The following TBC1D16 variants were observed in gnomAD, a reference collection of about 807,000 sequenced individuals.
TBC1D16 encodes CTD-2529O21.1.
Under a neutral mutation model 74.7 loss-of-function variants are expected in TBC1D16, and 58 were observed. That is an observed-to-expected ratio of 0.78 (90% CI 0.63 to 0.97). The LOEUF is 0.97. TBC1D16 is among the 50% of genes least tolerant of loss of function. TBC1D16 has a pLI of 0.00. For missense variants in TBC1D16, 1,014 were observed against 1,079.5 expected, an observed-to-expected ratio of 0.94 and a Z score of 0.85; for synonymous variants, 493 against 474.7, an observed-to-expected ratio of 1.04 and a Z score of -0.50.
intron 1 of TBC1D16, among the ~76,000 whole-genome samples, chr17:80,016,096 A>G (rs921410437): frequency 2.6e-5 from 4 of 152,194 alleles, no homozygotes; most frequent in African/African-American, 7.2e-5. Flanking sequence ...CCTTGAAAAG[A>G]AAGTCTGACG....
chr17:79,999,076 C>T (rs972853642), intron 3 of TBC1D16, among the ~76,000 whole-genome samples: 5 of 151,890 alleles, frequency 3.3e-5, no homozygotes, highest in East Asian at 1.9e-4. Flanking sequence ...GCCAACACGG[C>T]GAAACCCCAT....
At chr17:79,997,542 T>C (rs2035320578) in intron 3 of TBC1D16, among the ~76,000 whole-genome samples, 1 of 152,172 alleles carries the variant, frequency 6.6e-6, no homozygotes, top group Non-Finnish European at 1.5e-5. Flanking sequence ...GTACAGCCCA[T>C]GAACGAAGAC....
chr17:80,011,200 C>T (rs907686611), intron 2 of TBC1D16, among the ~76,000 whole-genome samples: 1 of 150,182 alleles, frequency 6.7e-6, no homozygotes, highest in African/African-American at 2.4e-5. Context: ...ACCACCACAC[C>T]CAGCTAATTT....
At chr17:80,019,685 T>C (rs1031606835) in intron 1 of TBC1D16, among the ~76,000 whole-genome samples, 1 of 149,820 alleles carries the variant, frequency 6.7e-6, no homozygotes, top group Admixed American at 6.6e-5. Context: ...TTTTTAGTTA[T>C]GAAACACACT....
In TBC1D16 at chr17:79,936,421, A is replaced by C. The variant is rs1450538671; in HGVS notation, c.*4438T>G. On this transcript the variant is annotated 3_prime_UTR_variant, in exon 12 of 12. Coordinates refer to ENST00000310924, the MANE Select transcript of TBC1D16 (RefSeq NM_019020.4). ...CAGGTGTGGTCCCTGGGACTTCATA[A>C]ACCATCCTCATGACAGTTTTACACT... 6.6e-6 allele frequency: 1 copy of C among 152,170 alleles called. No individual in the cohort carries two copies. Among genetic ancestry groups the C allele is most frequent in the Non-Finnish European group, 1.5e-5 (1 of 68,044 alleles). 9.4% of individuals were successfully genotyped at this position (152,170 alleles called of 1,614,324 possible). A position where few individuals can be genotyped will look rare whatever the true frequency, so the allele number is the denominator to read the frequency against.
intron 3 of TBC1D16, among the ~76,000 whole-genome samples, chr17:79,991,773 T>C (rs1330977205): frequency 1.3e-5 from 2 of 150,996 alleles, no homozygotes; most frequent in Non-Finnish European, 3.0e-5. Context: ...CCTGGGCTGA[T>C]CTAGGGGAAG....
intron 10 of TBC1D16, among the ~76,000 whole-genome samples, chr17:79,942,466 GC>G (rs2032109266): frequency 7.1e-6 from 1 of 140,722 alleles, no homozygotes. Context: ...GCTGAGCTCA[GC>G]CCCCACGGGC....
chr17:79,949,749 C>T lies in TBC1D16; in HGVS notation c.1374G>A (p.Lys458=). The T allele has an allele frequency of 6.2e-7, 1 of 1,613,192 alleles. No individual in the cohort carries two copies. The highest frequency in any genetic ancestry group is 8.5e-7 in the Non-Finnish European group (1 of 1,179,834). ...GCTGGATCTCAGAGTACTCCTTTCG[C>T]TTCTGCAGCCGCAGCGCCTCCCGCT... is the stretch of plus-strand genomic sequence containing the variant. ...SEEREALRLQ[K]RKEYSEIQQK... is the part of the protein sequence containing the mutation. The change falls in exon 7 of 12, where the codon AAG becomes AAA. Residue 458 remains lysine, a synonymous_variant. Coordinates refer to ENST00000310924, the MANE Select transcript of TBC1D16 (RefSeq NM_019020.4).
At position 79,940,862 on chromosome 17, in the gene TBC1D16, T is replaced by C; in HGVS notation, c.2301A>G (p.Arg767=). The C allele has an allele frequency of 1.3e-6, 2 of 1,541,216 alleles. No homozygotes were observed. Among genetic ancestry groups the C allele is most frequent in the South Asian group, 1.2e-5 (1 of 81,222 alleles). Residue 767 remains arginine, a synonymous_variant, in exon 12 of 12, where the codon AGA becomes AGG. Transcript: ENST00000310924. This position sits in a 1 kb window ranked among gnomAD's most constrained non-coding sequence, Gnocchi z 5.4. ...KTPQDGFGFR[R] is the part of the protein sequence containing the mutation. Reference sequence around the variant, plus strand: ...TGTCCGGTGTCGGGGGCCCGACCTATCTGCGGAAGCCGAAGCCGTCCTGCG... The same window carrying C: ...TGTCCGGTGTCGGGGGCCCGACCTACCTGCGGAAGCCGAAGCCGTCCTGCG...
At chr17:79,965,371 C>T (rs1020286247) in intron 3 of TBC1D16, among the ~76,000 whole-genome samples, 5 of 151,940 alleles carry the variant, frequency 3.3e-5, no homozygotes, top group African/African-American at 7.3e-5. Context: ...TGTGAGCCAC[C>T]GCGCCTGGCC....
intron 10 of TBC1D16, 60 bp from the exon 11 acceptor site, chr17:79,942,266 G>A: frequency 1.3e-6 from 2 of 1,516,940 alleles, no homozygotes; most frequent in South Asian, 2.4e-5. Context: ...CCTGCACTCA[G>A]GGGGAAACTG....
Position 79,987,808 on chromosome 17 carries a change from G to A in TBC1D16, c.779+22352C>T, listed in dbSNP as rs954214208. On this transcript the variant is annotated intron_variant, in intron 3 of 11. Transcript: ENST00000310924. The surrounding 1 kb of genome is among the most constrained non-coding windows in gnomAD (Gnocchi z 5.2). ...GAGTTTAGGGGCTCCTACAAACAGC[G>A]GCTTACGGGCTGGTGAGGAATTTCC... 2.0e-5 allele frequency among the ~76,000 whole-genome samples: 3 copies of A among 151,758 alleles called. No individual in the cohort carries two copies. The highest frequency in any genetic ancestry group is 1.9e-4 in the East Asian group (1 of 5,154).
intron 1 of TBC1D16, among the ~76,000 whole-genome samples, chr17:80,027,631 GC>G (rs1454283986): frequency 2.6e-5 from 4 of 151,756 alleles, no homozygotes; most frequent in Non-Finnish European, 5.9e-5. Flanking sequence ...AGTAGCTCAT[GC>G]CTGTAATCCC....
intron 8 of TBC1D16, among the ~76,000 whole-genome samples, chr17:79,948,600 G>A (rs1325650249): frequency 1.3e-5 from 2 of 152,180 alleles, no homozygotes; most frequent in African/African-American, 4.8e-5. Flanking sequence ...TCCATGGTTA[G>A]TGTGAGCCAA....
intron 3 of TBC1D16, among the ~76,000 whole-genome samples, chr17:79,977,455 G>A (rs750460167): frequency 3.9e-5 from 6 of 152,220 alleles, no homozygotes; most frequent in Non-Finnish European, 8.8e-5. Context: ...ACCCACTGGT[G>A]TGTCTTGGTC....
Position 79,950,442 on chromosome 17 carries a change from C to A in TBC1D16, c.1226G>T (p.Gly409Val). Residue 409 changes from glycine to valine, a missense_variant, in exon 6 of 12, where the codon GGC becomes GTC. Transcript: ENST00000310924. This position sits in a 1 kb window ranked among gnomAD's most constrained non-coding sequence, Gnocchi z 4.6. ...SAWLNHLNELGQVEEEYKLRK... is the reference protein window; with the variant it reads ...SAWLNHLNELVQVEEEYKLRK... ...CAGCTTGTACTCCTCCTCCACCTGG[C>A]CCAGCTCATTCAGGTGGTTGAGCCA... is the stretch of plus-strand genomic sequence containing the variant. 6.2e-7 allele frequency: 1 copy of A among 1,612,650 alleles called. No homozygotes were observed. Among genetic ancestry groups the A allele is most frequent in the South Asian group, 1.1e-5 (1 of 90,930 alleles).
chr17:80,014,552 A>C (rs2036020180), intron 1 of TBC1D16, among the ~76,000 whole-genome samples: 2 of 152,164 alleles, frequency 1.3e-5, no homozygotes, highest in Admixed American at 1.3e-4. Context: ...AACACCCAAC[A>C]AACCAGCAAA....
At chr17:79,974,229 T>A (rs2034236460) in intron 3 of TBC1D16, among the ~76,000 whole-genome samples, 2 of 127,148 alleles carry the variant, frequency 1.6e-5, no homozygotes, top group South Asian at 2.5e-4. Context: ...TTCTGGAATT[T>A]TCCATTTAAT....
At chr17:79,942,947 C>T (rs922599009) in intron 10 of TBC1D16, among the ~76,000 whole-genome samples, 5 of 152,232 alleles carry the variant, frequency 3.3e-5, no homozygotes, top group African/African-American at 7.2e-5. Flanking sequence ...CAGGTCCTGA[C>T]GGCTGCATCC....
Sources: allele counts gnomAD v4.1 joint callset (sites outside exome capture counted in the v4.1 genomes callset), GRCh38; gene constraint gnomAD v4.1.1; non-coding constraint Gnocchi (gnomAD v3.1); transcripts MANE v1.5; gene names NCBI Gene and HGNC (gene_info 2026-07-23, HGNC 2026-07-21).